MMP16: variants seen among roughly 807,000 people sequenced by gnomAD.
The protein encoded by MMP16 is matrix metallopeptidase 16, also known as matrix metalloproteinase-16.
MMP16 carries 12 observed loss-of-function variants against 67.8 expected under a neutral mutation model. The observed-to-expected ratio is 0.18, with a 90% confidence interval of 0.11 to 0.29. The LOEUF is 0.29. MMP16 is among the 10% of genes least tolerant of loss of function. MMP16 has a pLI of 1.00. For synonymous variants in MMP16, 249 were observed against 255.9 expected (o/e 0.97, Z 0.26); for missense variants, 475 against 765.7 (o/e 0.62, Z 4.48).
intron 4 of MMP16, among the ~76,000 whole-genome samples, chr8:88,161,006 C>G (rs527873809): frequency 6.6e-6 from 1 of 152,168 alleles, no homozygotes; most frequent in South Asian, 2.1e-4. Context: ...GTCTAAAATT[C>G]TCTTTTTTTG....
chr8:88,227,828 G>A (rs1467713548), intron 1 of MMP16, among the ~76,000 whole-genome samples: 1 of 151,920 alleles, frequency 6.6e-6, no homozygotes, highest in Non-Finnish European at 1.5e-5. Flanking sequence ...CAATTACTCT[G>A]TTTCATTTAA....
chr8:88,105,992 A>C (rs1386000002), intron 6 of MMP16, among the ~76,000 whole-genome samples: 2 of 149,160 alleles, frequency 1.3e-5, no homozygotes, highest in African/African-American at 4.9e-5. Flanking sequence ...ATTTGTATAT[A>C]TGCAAATACA....
intron 8 of MMP16, among the ~76,000 whole-genome samples, chr8:88,053,551 CTT>C (rs879897903): frequency 3.3e-5 from 5 of 152,064 alleles, no homozygotes; most frequent in Non-Finnish European, 4.4e-5. Flanking sequence ...GCTGACATAA[CTT>C]TTTTTCTTTT....
chr8:88,309,973 C>T (rs376963919), intron 1 of MMP16, among the ~76,000 whole-genome samples: 8 of 152,006 alleles, frequency 5.3e-5, no homozygotes, highest in African/African-American at 1.9e-4. Flanking sequence ...GTGTATGCAC[C>T]TTTTTCCTCA....
intron 1 of MMP16, among the ~76,000 whole-genome samples, chr8:88,233,575 G>C (rs546420571): frequency 6.6e-6 from 1 of 152,160 alleles, no homozygotes; most frequent in Non-Finnish European, 1.5e-5. Flanking sequence ...CAGATACAAA[G>C]TCATTTTGTT....
At chr8:88,105,904 C>A (rs1420625713) in intron 6 of MMP16, among the ~76,000 whole-genome samples, 5 of 150,898 alleles carry the variant, frequency 3.3e-5, no homozygotes, top group African/African-American at 4.9e-5. Context: ...TAAAAATAAT[C>A]TTTAATTTTA....
chr8:88,110,069 C>A (rs1232394068), intron 6 of MMP16, among the ~76,000 whole-genome samples: 2 of 151,056 alleles, frequency 1.3e-5, no homozygotes, highest in African/African-American at 4.8e-5. Flanking sequence ...TAAAATATAT[C>A]CAAAATTCCA....
At chr8:88,121,676 A>G (rs1238750525) in intron 4 of MMP16, among the ~76,000 whole-genome samples, 1 of 152,058 alleles carries the variant, frequency 6.6e-6, no homozygotes, top group Non-Finnish European at 1.5e-5. Context: ...TTCTTAATAC[A>G]GAAATAGTAC....
At chr8:88,236,249 C>A (rs1018194975) in intron 1 of MMP16, among the ~76,000 whole-genome samples, 3 of 152,188 alleles carry the variant, frequency 2.0e-5, no homozygotes, top group African/African-American at 7.2e-5. Flanking sequence ...CAAAAGTCTG[C>A]AGCGGAATCT....
At chr8:88,136,053 C>A (rs1308727668) in intron 4 of MMP16, among the ~76,000 whole-genome samples, 1 of 151,796 alleles carries the variant, frequency 6.6e-6, no homozygotes, top group Non-Finnish European at 1.5e-5. Flanking sequence ...AAAAGGAAAT[C>A]TTGAAGAAGA....
At chr8:88,070,442 A>T (rs1808533408) in intron 7 of MMP16, among the ~76,000 whole-genome samples, 1 of 152,118 alleles carries the variant, frequency 6.6e-6, no homozygotes, top group Non-Finnish European at 1.5e-5. Context: ...GCCCTCCGTG[A>T]GTGTCAGGCA....
At chr8:88,153,619 G>A (rs1389221049) in intron 4 of MMP16, among the ~76,000 whole-genome samples, 2 of 151,446 alleles carry the variant, frequency 1.3e-5, no homozygotes, top group Non-Finnish European at 2.9e-5. Context: ...ATGGGGAAAG[G>A]ATTCCCTATT....
At chr8:88,150,602 CA>C (rs1261729434) in intron 4 of MMP16, among the ~76,000 whole-genome samples, 3 of 52,330 alleles carry the variant, frequency 5.7e-5, no homozygotes, top group African/African-American at 2.5e-4. Context: ...ATTTCATATC[CA>C]GCCAAACTAA....
intron 7 of MMP16, among the ~76,000 whole-genome samples, chr8:88,070,542 G>T (rs138003383): frequency 3.9e-5 from 6 of 152,046 alleles, no homozygotes; most frequent in African/African-American, 1.4e-4. Context: ...TTTCCAATAC[G>T]TATGGGGGTC....
intron 1 of MMP16, among the ~76,000 whole-genome samples, chr8:88,267,718 T>A (rs1261672495): frequency 6.6e-6 from 1 of 152,200 alleles, no homozygotes; most frequent in African/African-American, 2.4e-5. Flanking sequence ...GGAAAGATCA[T>A]GAGAAAATTC....
In MMP16 at chr8:88,053,622, CAT is replaced by C. The variant is rs200524479; in HGVS notation, c.1373+2504_1373+2505del. Among the ~76,000 whole-genome samples, 860 of 152,176 alleles carry C rather than the reference CAT, an allele frequency of 5.7e-3. 5 individuals carry two copies. The highest frequency in any genetic ancestry group is 0.02 in the African/African-American group (822 of 41,516). Reference sequence around the variant, plus strand: ...GGAGAAATAATAAAACATAAATTCTCATATAAAAGTGACAACTAAATTGTTGT... The same window carrying C: ...GGAGAAATAATAAAACATAAATTCTCATAAAAGTGACAACTAAATTGTTGT... On this transcript the variant is annotated intron_variant, in intron 8 of 9. Coordinates refer to ENST00000286614, the MANE Select transcript of MMP16 (RefSeq NM_005941.5).
chr8:88,057,610 T>TTATGATAAA (rs1368603574), intron 7 of MMP16, among the ~76,000 whole-genome samples: 5 of 152,102 alleles, frequency 3.3e-5, no homozygotes, highest in African/African-American at 1.2e-4. Flanking sequence ...ACCGTAGCTT[T>TTATGATAAA]CATGTAATAC....
At chr8:88,294,332 CTATA>C (rs560333499) in intron 1 of MMP16, among the ~76,000 whole-genome samples, 4 of 149,600 alleles carry the variant, frequency 2.7e-5, no homozygotes, top group African/African-American at 9.8e-5. Flanking sequence ...ATGTGTATGT[CTATA>C]TATGTGTATA....
At chr8:88,116,444 T>C (rs574518408) in intron 6 of MMP16, 63 bp downstream of exon 6, 1 of 1,423,722 alleles carries the variant, frequency 7.0e-7, no homozygotes, top group East Asian at 2.3e-5. Context: ...TGAGAACTTG[T>C]TTTCTAAAGC....
Sources: gnomAD v4.1 joint callset for allele counts (sites outside exome capture counted in the v4.1 genomes callset) on GRCh38, gnomAD v4.1.1 for gene constraint, MANE v1.5 for transcripts, NCBI Gene and HGNC (gene_info 2026-07-23, HGNC 2026-07-21) for gene names.